The following CLUL1 variants were observed in gnomAD, a reference collection of about 807,000 sequenced individuals.
CLUL1 encodes clusterin-like protein 1.
Under a neutral mutation model 49.4 loss-of-function variants are expected in CLUL1, and 43 were observed. That is an observed-to-expected ratio of 0.87 (90% CI 0.68 to 1.12). The LOEUF is 1.12. CLUL1 is among the 50% of genes most tolerant of loss of function. The pLI is 0.00. For missense variants in CLUL1, 486 were observed against 544.4 expected, an observed-to-expected ratio of 0.89 and a Z score of 1.07; for synonymous variants, 192 against 184.9, an observed-to-expected ratio of 1.04 and a Z score of -0.31.
At chr18:644,631 T>G (rs1325441911) in intron 8 of CLUL1, among the ~76,000 whole-genome samples, 1 of 152,226 alleles carries the variant, frequency 6.6e-6, no homozygotes, top group African/African-American at 2.4e-5. Context: ...TCTCTTTTTC[T>G]GCTGAGGGCA....
intron 9 of CLUL1, 154 bp from the exon 10 acceptor site, chr18:649,741 TCAC>T (rs1471945965): frequency 3.8e-5 from 22 of 573,446 alleles, no homozygotes; most frequent in Non-Finnish European, 6.6e-5. Context: ...CATATGGGTT[TCAC>T]ATTATTTTGC....
intron 2 of CLUL1, 23 bp downstream of exon 2, chr18:607,122 ATCTT>A (rs2143940261): frequency 1.4e-6 from 1 of 701,118 alleles, no homozygotes; most frequent in South Asian, 1.5e-5. Flanking sequence ...ATACCCGTCT[ATCTT>A]TTATTTATTT....
At chr18:600,464 G>A (rs143201583) in intron 1 of CLUL1, among the ~76,000 whole-genome samples, 31 of 152,250 alleles carry the variant, frequency 2.0e-4, no homozygotes, top group African/African-American at 7.0e-4. Context: ...GAAATGGTCC[G>A]TGGTACAGTA....
intron 6 of CLUL1, among the ~76,000 whole-genome samples, chr18:630,170 A>G (rs1386492351): frequency 2.0e-5 from 3 of 151,966 alleles, no homozygotes; most frequent in African/African-American, 7.3e-5. Context: ...GTGCAGTGGA[A>G]TGATCTTGGC....
chr18:614,305 GGAA>G (rs2073226796), intron 2 of CLUL1, among the ~76,000 whole-genome samples: 1 of 141,492 alleles, frequency 7.1e-6, no homozygotes, highest in African/African-American at 2.6e-5. Flanking sequence ...AAGGAAGGGA[GGAA>G]GGAAGGGAGG....
In CLUL1 at chr18:643,899, G is replaced by A. The variant is rs545413981; in HGVS notation, c.1210-1011G>A. The stretch of plus-strand genomic sequence containing the variant: ...TCTGAGCTCACACAGCTAGTAAATG[G>A]TAGAACTAGAATTCAAACTCAAGCA... On this transcript the variant is annotated intron_variant, in intron 8 of 9. Transcript: ENST00000692774. Among the ~76,000 whole-genome samples the A allele has an allele frequency of 1.0e-3, 158 of 152,288 alleles. 2 individuals are homozygous for A. Among genetic ancestry groups the A allele is most frequent in the Admixed American group, 2.9e-3 (44 of 15,296 alleles).
intron 5 of CLUL1, among the ~76,000 whole-genome samples, chr18:625,357 A>T (rs1158621182): frequency 6.6e-6 from 1 of 152,124 alleles, no homozygotes; most frequent in Non-Finnish European, 1.5e-5. Flanking sequence ...TCACTTATGC[A>T]TTGGTGGCAT....
rs1245176294 is a variant in CLUL1 at position 617,711 on chromosome 18, A to T, written c.-13-277A>T. On this transcript the variant is annotated intron_variant, in intron 2 of 9. Transcript: ENST00000692774. ...GAAGCTTGGACTCTGAGAGGATGTG[A>T]TCTATCCTCTCCATTGCATTGAGTT... 2.0e-5 allele frequency among the ~76,000 whole-genome samples: 3 copies of T among 151,818 alleles called. No individual in the cohort carries two copies. The East Asian group carries it at 5.8e-4, about 29-fold the overall frequency.
rs1598409402 is a variant in CLUL1, at chr18:606,554, AC to A, written c.-135-420del. 1.3e-5 allele frequency among the ~76,000 whole-genome samples: 2 copies of A among 151,416 alleles called. No individual in the cohort carries two copies. The highest frequency in any genetic ancestry group is 2.4e-5 in the African/African-American group (1 of 41,142). ...AACCCACCCCATCTTCCTTGTCCTC[AC>A]CCCTGGTCAGGAGAAGCCAAAACAT... On this transcript the variant is annotated intron_variant, in intron 1 of 9. Transcript: ENST00000692774. This position sits in a 1 kb window ranked among gnomAD's most constrained non-coding sequence, Gnocchi z 4.1.
At position 627,254 on chromosome 18, in the gene CLUL1, T is replaced by A. The variant is rs1233088810; in HGVS notation, c.581T>A (p.Leu194His). 2 of 1,614,042 alleles carry A rather than the reference T, an allele frequency of 1.2e-6. No individual in the cohort carries two copies. Among genetic ancestry groups the A allele is most frequent in the African/African-American group, 2.7e-5 (2 of 75,010 alleles). The change falls in exon 6 of 10, where the codon CTC (leucine) becomes CAC (histidine). Residue 194 changes from leucine (L) to histidine (H), a missense_variant. Transcript: ENST00000692774. ...FSQLTVDVNS[L>H]FNRSFNVFRQ... is the part of the protein sequence containing the mutation. ...CAGTTGACTGTGGATGTGAATTCTCTCTTTAACAGGAGTTTTAACGTCTTC... is the reference window on the plus strand; with the variant it reads ...CAGTTGACTGTGGATGTGAATTCTCACTTTAACAGGAGTTTTAACGTCTTC...
chr18:614,939 G>T (rs2073247304), intron 2 of CLUL1: 1 of 152,244 alleles, frequency 6.6e-6, no homozygotes, highest in African/African-American at 2.4e-5. Flanking sequence ...ATATTAGCAA[G>T]ACCTTTATGG....
At position 618,067 on chromosome 18, in the gene CLUL1, A is replaced by C. The variant is rs200703485; in HGVS notation, c.67A>C (p.Thr23Pro). The part of the protein sequence containing the change: ...LWLKDSHCAP[T>P]WKDKTAISEN... ...GTTGAAAGACAGTCACTGCGCACCCACTTGGAAGGACAAAACTGCTATCAG... is the reference window on the plus strand; with the variant it reads ...GTTGAAAGACAGTCACTGCGCACCCCCTTGGAAGGACAAAACTGCTATCAG... The change falls in exon 3 of 10, where the codon ACT becomes CCT. Residue 23 changes from threonine (T) to proline (P), a missense_variant. Transcript: ENST00000692774. This position sits in a 1 kb window ranked among gnomAD's most constrained non-coding sequence, Gnocchi z 4.2. 1 of 1,614,102 alleles carries C rather than the reference A, an allele frequency of 6.2e-7. No individual in the cohort carries two copies. The highest frequency in any genetic ancestry group is 1.7e-5 in the Admixed American group (1 of 60,018).
chr18:638,085 G>A (rs1187532985), intron 7 of CLUL1, among the ~76,000 whole-genome samples: 1 of 152,108 alleles, frequency 6.6e-6, no homozygotes. Context: ...ATTTGGAAGA[G>A]GAAATAATAT....
intron 4 of CLUL1, 105 bp downstream of exon 4, chr18:619,466 T>G: frequency 9.4e-7 from 1 of 1,068,030 alleles, no homozygotes. Flanking sequence ...GTAATAAATT[T>G]CATGGGTAGC....
chr18:638,235 CACTT>C (rs1293143266), intron 7 of CLUL1, among the ~76,000 whole-genome samples: 1 of 152,146 alleles, frequency 6.6e-6, no homozygotes, highest in African/African-American at 2.4e-5. Context: ...GAAAAATAGA[CACTT>C]AATATACTGA....
intron 6 of CLUL1, among the ~76,000 whole-genome samples, chr18:629,067 A>C (rs1183345826): frequency 1.3e-5 from 2 of 152,194 alleles, no homozygotes; most frequent in Non-Finnish European, 2.9e-5. Flanking sequence ...TACATAGGAG[A>C]GGTTTACCTT....
chr18:612,372 C>T (rs2073160328), intron 2 of CLUL1, among the ~76,000 whole-genome samples: 1 of 152,342 alleles, frequency 6.6e-6, no homozygotes, highest in African/African-American at 2.4e-5. Flanking sequence ...TGTTCCCACT[C>T]CTCTTGCACT....
intron 2 of CLUL1, among the ~76,000 whole-genome samples, chr18:614,213 C>G (rs1361113715): frequency 6.6e-6 from 1 of 151,438 alleles, no homozygotes. Flanking sequence ...TTACACTCTG[C>G]TTCTAAAATT....
intron 2 of CLUL1, chr18:612,751 T>C (rs1485216924): frequency 6.6e-6 from 1 of 152,258 alleles, no homozygotes; most frequent in Non-Finnish European, 1.5e-5. Context: ...TATATTTATT[T>C]GTGTATTGTC....
Sources: allele counts gnomAD v4.1 joint callset (sites outside exome capture counted in the v4.1 genomes callset), GRCh38; gene constraint gnomAD v4.1.1; non-coding constraint Gnocchi (gnomAD v3.1); transcripts MANE v1.5; gene names NCBI Gene and HGNC (gene_info 2026-07-23, HGNC 2026-07-21).